LRRC4C: variants seen among roughly 807,000 people sequenced by gnomAD.
LRRC4C encodes the protein leucine-rich repeat-containing protein 4C.
Under a neutral mutation model 33.6 loss-of-function variants are expected in LRRC4C, and 5 were observed. The observed-to-expected ratio is 0.15, with a 90% CI of 0.08 to 0.31. The LOEUF (loss-of-function observed/expected upper bound fraction) is 0.31, where lower values mean the gene tolerates loss of function less well. LRRC4C is among the 10% of genes least tolerant of loss of function. The pLI is 1.00. For synonymous variants in LRRC4C, 329 were observed against 302.0 expected (o/e 1.09, Z -0.93); for missense variants, 560 against 796.7 (o/e 0.70, Z 3.58).
At chr11:41,427,419 A>C (rs1463359968) in intron 1 of LRRC4C, among the ~76,000 whole-genome samples, 1 of 152,190 alleles carries the variant, frequency 6.6e-6, no homozygotes, top group Non-Finnish European at 1.5e-5. Flanking sequence ...GTCAATAAAT[A>C]AACAACAAAG....
At chr11:41,137,054 C>A (rs1384430940) in intron 1 of LRRC4C, among the ~76,000 whole-genome samples, 1 of 152,062 alleles carries the variant, frequency 6.6e-6, no homozygotes, top group East Asian at 1.9e-4. Flanking sequence ...TACAGACCAG[C>A]CTGGCCAACA....
intron 6 of LRRC4C, among the ~76,000 whole-genome samples, chr11:40,135,280 A>AT (rs1856892043): frequency 6.6e-6 from 1 of 152,194 alleles, no homozygotes; most frequent in Non-Finnish European, 1.5e-5. Flanking sequence ...GGCAGTCCTC[A>AT]TTTTGCTCCA....
At chr11:40,191,892 C>T (rs1861865622) in intron 5 of LRRC4C, among the ~76,000 whole-genome samples, 1 of 152,048 alleles carries the variant, frequency 6.6e-6, no homozygotes, top group African/African-American at 2.4e-5. Flanking sequence ...CCCAAGAGGT[C>T]AAAGCTACAG....
chr11:40,590,392 A>G (rs1958983526), intron 3 of LRRC4C, among the ~76,000 whole-genome samples: 1 of 146,230 alleles, frequency 6.8e-6, no homozygotes, highest in Admixed American at 7.0e-5. Flanking sequence ...AATTTTTTTC[A>G]AAGTTTTCAA....
chr11:40,620,494 T>C (rs988347833), intron 3 of LRRC4C, among the ~76,000 whole-genome samples: 2 of 151,808 alleles, frequency 1.3e-5, no homozygotes, highest in African/African-American at 4.8e-5. Context: ...TTTGATTCAA[T>C]TGGTATTATA....
chr11:40,783,526 C>T (rs965909264), intron 2 of LRRC4C, among the ~76,000 whole-genome samples: 7 of 151,736 alleles, frequency 4.6e-5, no homozygotes, highest in Non-Finnish European at 1.0e-4. Context: ...CCAGGCTGGT[C>T]TTGAACCCCT....
intron 2 of LRRC4C, among the ~76,000 whole-genome samples, chr11:40,651,305 T>C (rs1275668064): frequency 6.6e-6 from 1 of 151,572 alleles, no homozygotes; most frequent in Non-Finnish European, 1.5e-5. Flanking sequence ...TGATCCTTCC[T>C]GGTACATAGT....
At chr11:40,964,713 T>C (rs1851218054) in intron 1 of LRRC4C, among the ~76,000 whole-genome samples, 1 of 151,980 alleles carries the variant, frequency 6.6e-6, no homozygotes. Flanking sequence ...TCCTTTTTTA[T>C]GGCTGCATAG....
chr11:40,222,186 A>C (rs1040113905), intron 5 of LRRC4C, among the ~76,000 whole-genome samples: 2 of 152,168 alleles, frequency 1.3e-5, no homozygotes, highest in Admixed American at 1.3e-4. Flanking sequence ...CAGGTGATGG[A>C]GCCCCCATGA....
intron 1 of LRRC4C, among the ~76,000 whole-genome samples, chr11:41,026,681 T>A (rs1000347115): frequency 1.3e-5 from 2 of 151,168 alleles, no homozygotes; most frequent in Admixed American, 1.3e-4. Context: ...TACCCCAACC[T>A]TCAGCAACTA....
At chr11:40,444,804 C>G (rs761937519) in intron 3 of LRRC4C, among the ~76,000 whole-genome samples, 1 of 152,162 alleles carries the variant, frequency 6.6e-6, no homozygotes, top group Admixed American at 6.5e-5. Flanking sequence ...TCAGGAAGCT[C>G]TGAAAGTGAA....
intron 2 of LRRC4C, among the ~76,000 whole-genome samples, chr11:40,744,452 G>A (rs1436429298): frequency 6.6e-6 from 1 of 152,162 alleles, no homozygotes; most frequent in East Asian, 1.9e-4. Context: ...TTGAAGCTCT[G>A]AAACCAGAAT....
intron 2 of LRRC4C, among the ~76,000 whole-genome samples, chr11:40,707,754 T>C (rs944015885): frequency 2.0e-5 from 3 of 152,210 alleles, no homozygotes; most frequent in Non-Finnish European, 4.4e-5. Flanking sequence ...TCCCTCTTTT[T>C]CTATTGACTG....
At chr11:40,949,087 G>A (rs1275258923) in intron 1 of LRRC4C, among the ~76,000 whole-genome samples, 1 of 151,838 alleles carries the variant, frequency 6.6e-6, no homozygotes, top group Admixed American at 6.6e-5. Flanking sequence ...ATATCTCATT[G>A]TGGTTTTGAT....
At chr11:40,459,907 G>T (rs1212122035) in intron 3 of LRRC4C, among the ~76,000 whole-genome samples, 3 of 152,130 alleles carry the variant, frequency 2.0e-5, no homozygotes, top group Admixed American at 2.0e-4. Context: ...GATGCAGCAC[G>T]ATGTTTGCAT....
intron 3 of LRRC4C, among the ~76,000 whole-genome samples, chr11:40,365,181 A>G (rs992254693): frequency 1.3e-5 from 2 of 151,956 alleles, no homozygotes; most frequent in African/African-American, 4.8e-5. Context: ...GAAACATTCC[A>G]TAAGATTTAA....
rs1954501739 is a variant in LRRC4C, at chr11:40,868,946, T to C, written c.-407+64689A>G. ...TTTGGTCTCAGAGACACGACATTTA[T>C]TTTGTTCCTTATATTACTTGAGCTC... On this transcript the variant is annotated intron_variant, in intron 2 of 6. Coordinates refer to ENST00000528697, the MANE Select transcript of LRRC4C (RefSeq NM_001258419.2). 2.6e-5 allele frequency among the ~76,000 whole-genome samples: 4 copies of C among 152,154 alleles called. 1 individual carries two copies. The highest frequency in any genetic ancestry group is 2.6e-4 in the Admixed American group (4 of 15,260).
At chr11:41,175,641 C>T (rs976771221) in intron 1 of LRRC4C, among the ~76,000 whole-genome samples, 1 of 152,106 alleles carries the variant, frequency 6.6e-6, no homozygotes, top group Non-Finnish European at 1.5e-5. Context: ...TAAATTCAAC[C>T]TTACTATATG....
At chr11:41,437,061 G>T (rs1955452392) in intron 1 of LRRC4C, among the ~76,000 whole-genome samples, 1 of 152,112 alleles carries the variant, frequency 6.6e-6, no homozygotes, top group Admixed American at 6.6e-5. Flanking sequence ...TCTTACCAAA[G>T]AAAATTACTG....
Sources: allele counts gnomAD v4.1 joint callset (sites outside exome capture counted in the v4.1 genomes callset), GRCh38; gene constraint gnomAD v4.1.1; transcripts MANE v1.5; gene names NCBI Gene and HGNC (gene_info 2026-07-23, HGNC 2026-07-21).